The following EPB41L1 variants were observed in gnomAD, a reference collection of about 807,000 sequenced individuals.
The protein encoded by EPB41L1 is band 4.1-like protein 1.
A neutral mutation model predicts 97.8 loss-of-function variants in EPB41L1; 29 were observed. That is an observed-to-expected ratio of 0.30 (90% CI 0.22 to 0.40). The LOEUF is 0.40. Ranked by LOEUF, EPB41L1 falls within the 10% of genes least tolerant of loss-of-function variation. The pLI, the probability that EPB41L1 is intolerant of heterozygous loss-of-function variation, is 1.00. For synonymous variants in EPB41L1, 383 were observed against 459.2 expected, an observed-to-expected ratio of 0.83 and a Z score of 2.12; for missense variants, 812 against 1,162.3, an observed-to-expected ratio of 0.70 and a Z score of 4.38.
rs992929394 is a variant in EPB41L1 at position 36,092,114 on chromosome 20, C to G, written c.-65+502C>G. Reference sequence around the variant, plus strand: ...CTGGAACGCACTGGGCTATCCTCCGCGAGCCCTGGCCGCGGGAACAATGGG... The same window carrying G: ...CTGGAACGCACTGGGCTATCCTCCGGGAGCCCTGGCCGCGGGAACAATGGG... On this transcript the variant is annotated intron_variant, in intron 1 of 19. Transcript: ENST00000202028. The surrounding 1 kb of genome is among the most constrained non-coding windows in gnomAD (Gnocchi z 7.0). Among the ~76,000 whole-genome samples the G allele has an allele frequency of 6.6e-6, 1 of 152,122 alleles. No individual in the cohort carries two copies. The highest frequency in any genetic ancestry group is 2.4e-5 in the African/African-American group (1 of 41,434).
intron 13 of EPB41L1, 135 bp from the exon 14 acceptor site, chr20:36,197,724 G>C: frequency 6.4e-7 from 1 of 1,565,098 alleles, no homozygotes; most frequent in Non-Finnish European, 8.6e-7. Flanking sequence ...GCTGCCATGA[G>C]AGTGACACAG....
chr20:36,204,639 C>T (rs561532040), intron 14 of EPB41L1, among the ~76,000 whole-genome samples: 2 of 151,674 alleles, frequency 1.3e-5, no homozygotes, highest in South Asian at 2.1e-4. Flanking sequence ...TGTGAGCCAC[C>T]GCGCCTGGCC....
chr20:36,167,744 T>C (rs1270181407), intron 1 of EPB41L1, among the ~76,000 whole-genome samples: 1 of 151,096 alleles, frequency 6.6e-6, no homozygotes, highest in Non-Finnish European at 1.5e-5. Context: ...ACAATAATAA[T>C]AAATAATAAA....
chr20:36,215,714 TC>T (rs2063401988), intron 17 of EPB41L1, among the ~76,000 whole-genome samples: 2 of 152,230 alleles, frequency 1.3e-5, no homozygotes, highest in African/African-American at 4.8e-5. Flanking sequence ...CATCCATCCA[TC>T]CATCTATTCA....
At chr20:36,095,441 A>G (rs556145180) in intron 1 of EPB41L1, among the ~76,000 whole-genome samples, 2 of 152,206 alleles carry the variant, frequency 1.3e-5, no homozygotes, top group South Asian at 2.1e-4. Flanking sequence ...CAACCCCTTC[A>G]TGTGTTTATC....
chr20:36,206,968 CCAGA>C lies in EPB41L1; in HGVS notation c.1669-2515_1669-2512del, dbSNP rs1477435048. Reference sequence around the variant, plus strand: ...TCTGAATGTCAGGAAGCCAGTCAAACCAGACAGAGGCAACTTCCCACCCAAAGAG... The same window carrying C: ...TCTGAATGTCAGGAAGCCAGTCAAACCAGAGGCAACTTCCCACCCAAAGAG... On this transcript the variant is annotated intron_variant, in intron 14 of 21. Transcript: ENST00000338074. This position sits in a 1 kb window ranked among gnomAD's most constrained non-coding sequence, Gnocchi z 5.5. 2 of 1,289,868 alleles carry C rather than the reference CCAGA, an allele frequency of 1.6e-6. No individual in the cohort carries two copies. The highest frequency in any genetic ancestry group is 1.5e-5 in the African/African-American group (1 of 65,892). The allele number at this position is 1,289,868 out of a possible 1,614,324, so 79.9% of individuals were successfully genotyped here.
At chr20:36,224,179 G>A (rs1408183749) in intron 21 of EPB41L1, among the ~76,000 whole-genome samples, 1 of 152,128 alleles carries the variant, frequency 6.6e-6, no homozygotes, top group Admixed American at 6.6e-5. Flanking sequence ...GCCGCATGTG[G>A]CTATTGAGGA....
At chr20:36,176,092 G>A (rs1006779224) in intron 3 of EPB41L1, among the ~76,000 whole-genome samples, 4 of 152,184 alleles carry the variant, frequency 2.6e-5, no homozygotes, top group Admixed American at 1.3e-4. Flanking sequence ...TATACTGGGT[G>A]GAGAGAGGGC....
chr20:36,178,875 G>A (rs118053321), intron 5 of EPB41L1, among the ~76,000 whole-genome samples: 4,226 of 151,936 alleles, frequency 0.028, 124 homozygotes, highest in South Asian at 0.15. Flanking sequence ...TGGCCAACAT[G>A]GGAAAAGCCT....
rs534689324 is a variant in EPB41L1 at position 36,102,045 on chromosome 20, C to CA, written c.-64-10374dup. Among the ~76,000 whole-genome samples the CA allele has an allele frequency of 2.0e-3, 302 of 148,944 alleles. 6 individuals are homozygous for CA. The South Asian group carries it at 0.042, about 20-fold the overall frequency. On this transcript the variant is annotated intron_variant, in intron 1 of 19. Coordinates refer to the EPB41L1 transcript ENST00000202028. ...ACAAAACAAAACAAAACAAAAAAAA[C>CA]AAAAAAACCCAGCACTCTTTTTCCA...
At position 36,232,438 on chromosome 20, in the gene EPB41L1, T is replaced by G; in HGVS notation, c.*3098T>G. 1 of 395,918 alleles carries G rather than the reference T, an allele frequency of 2.5e-6. No individual in the cohort carries two copies. Among genetic ancestry groups the G allele is most frequent in the Non-Finnish European group, 4.5e-6 (1 of 224,684 alleles). 24.5% of individuals were successfully genotyped at this position (395,918 alleles called of 1,614,324 possible). On this transcript the variant is annotated 3_prime_UTR_variant, in exon 22 of 22. Coordinates refer to ENST00000338074, the MANE Select transcript of EPB41L1 (RefSeq NM_012156.2). ...AAAATAAGCAGAAAGAACCAGATGC[T>G]CTCCAGGGTCTTTTTCTACTTTGCT... is the stretch of plus-strand genomic sequence containing the variant.
At chr20:36,096,844 A>C (rs970515617) in intron 1 of EPB41L1, among the ~76,000 whole-genome samples, 2 of 152,240 alleles carry the variant, frequency 1.3e-5, no homozygotes, top group South Asian at 4.1e-4. Context: ...AAACTGAGTT[A>C]ATTTATAAAA....
At chr20:36,181,390 C>T (rs183295351) in intron 5 of EPB41L1, among the ~76,000 whole-genome samples, 1 of 152,344 alleles carries the variant, frequency 6.6e-6, no homozygotes, top group Admixed American at 6.5e-5. Flanking sequence ...ATAACCTCAG[C>T]CTTTATTCCC....
At chr20:36,219,906 T>C in intron 19 of EPB41L1, 62 bp downstream of exon 19, 3 of 1,440,428 alleles carry the variant, frequency 2.1e-6, no homozygotes, top group Non-Finnish European at 2.9e-6. Flanking sequence ...GTCATGACTG[T>C]TGTTCTGCTT....
rs769218155 is a variant in EPB41L1 at position 36,207,474 on chromosome 20, C to G, written c.1669-2014C>G. ...ACAAAATTCGGATATTTGAGACCCACGGAGCTGAAACTCGCCGAATGAGTG... is the reference window on the plus strand; with the variant it reads ...ACAAAATTCGGATATTTGAGACCCAGGGAGCTGAAACTCGCCGAATGAGTG... On this transcript the variant is annotated intron_variant, in intron 14 of 21. Coordinates refer to ENST00000338074, the MANE Select transcript of EPB41L1 (RefSeq NM_012156.2). The surrounding 1 kb of genome is among the most constrained non-coding windows in gnomAD (Gnocchi z 4.9). 1.6e-6 allele frequency: 2 copies of G among 1,289,842 alleles called. No homozygotes were observed. Among genetic ancestry groups the G allele is most frequent in the South Asian group, 1.2e-5 (1 of 81,034 alleles). The allele number at this position is 1,289,842 out of a possible 1,614,324, so 79.9% of individuals were successfully genotyped here. A position where few individuals can be genotyped will look rare whatever the true frequency, so the allele number is the denominator to read the frequency against.
intron 2 of EPB41L1, among the ~76,000 whole-genome samples, chr20:36,127,789 T>C (rs1017214556): frequency 1.3e-5 from 2 of 152,084 alleles, no homozygotes; most frequent in African/African-American, 2.4e-5. Context: ...CTCGTGCCTC[T>C]TGTGTGCCTC....
At chr20:36,098,897 G>C (rs2057919254) in intron 1 of EPB41L1, among the ~76,000 whole-genome samples, 1 of 152,174 alleles carries the variant, frequency 6.6e-6, no homozygotes, top group Non-Finnish European at 1.5e-5. Context: ...GAGGTGGGCA[G>C]ATCATCTGAT....
intron 2 of EPB41L1, among the ~76,000 whole-genome samples, chr20:36,137,449 G>A (rs2059461122): frequency 6.6e-6 from 1 of 151,982 alleles, no homozygotes; most frequent in Admixed American, 6.6e-5. Flanking sequence ...TCAAACTCCT[G>A]GGTTCAAGTT....
chr20:36,180,306 T>C (rs2061425548), intron 5 of EPB41L1, among the ~76,000 whole-genome samples: 1 of 152,188 alleles, frequency 6.6e-6, no homozygotes, highest in African/African-American at 2.4e-5. Context: ...CCATTGGTCC[T>C]TGTGGCCTGA....
Sources: allele counts gnomAD v4.1 joint callset (sites outside exome capture counted in the v4.1 genomes callset), GRCh38; gene constraint gnomAD v4.1.1; non-coding constraint Gnocchi (gnomAD v3.1); transcripts MANE v1.5; gene names NCBI Gene and HGNC (gene_info 2026-07-23, HGNC 2026-07-21).